BICC1: variants seen among roughly 807,000 people sequenced by gnomAD.
The protein encoded by BICC1 is protein bicaudal C homolog 1.
In BICC1, 43 loss-of-function variants were observed where a neutral mutation model predicts 111.0. The observed-to-expected ratio is 0.39, with a 90% confidence interval of 0.30 to 0.50. The LOEUF (loss-of-function observed/expected upper bound fraction) is 0.50, where lower values mean the gene tolerates loss of function less well. Among genes scored for constraint, BICC1 ranks in the 20% least tolerant of loss-of-function variants. The pLI, the probability that BICC1 is intolerant of heterozygous loss-of-function variation, is 0.88. For synonymous variants in BICC1, 467 were observed against 434.4 expected (o/e 1.07, Z -0.93); for missense variants, 1,091 against 1,203.2 (o/e 0.91, Z 1.38).
intron 1 of BICC1, among the ~76,000 whole-genome samples, chr10:58,523,674 A>G (rs1258775480): frequency 1.3e-5 from 2 of 152,264 alleles, no homozygotes; most frequent in East Asian, 1.9e-4. Context: ...CACCACTCCT[A>G]TTCAACATAG....
chr10:58,670,164 A>G (rs914882166), intron 2 of BICC1, among the ~76,000 whole-genome samples: 2 of 152,110 alleles, frequency 1.3e-5, no homozygotes, highest in East Asian at 3.8e-4. Context: ...CACATATCCA[A>G]TCTTCTATCT....
chr10:58,627,036 A>G (rs542313116), intron 2 of BICC1, among the ~76,000 whole-genome samples: 14 of 152,258 alleles, frequency 9.2e-5, no homozygotes, highest in Admixed American at 2.6e-4. Context: ...TGGGAGGCAG[A>G]GGTTACAGTG....
rs1263613671 is a variant in BICC1 at position 58,716,392 on chromosome 10, T to G, written c.307+14249T>G. On this transcript the variant is annotated intron_variant, in intron 3 of 20. Transcript: ENST00000373886. Reference sequence around the variant, plus strand: ...TTACTAACATGCATGAATTTTCTTGTTTTTAGAATTATTCCTGGACTATTC... The same window carrying G: ...TTACTAACATGCATGAATTTTCTTGGTTTTAGAATTATTCCTGGACTATTC... 26 of 1,132,946 alleles carry G rather than the reference T, an allele frequency of 2.3e-5. No homozygotes were observed. The Middle Eastern group carries it at 9.8e-4, about 43-fold the overall frequency. The allele number at this position is 1,132,946 out of a possible 1,614,324, so 70.2% of individuals were successfully genotyped here. A position where few individuals can be genotyped will look rare whatever the true frequency, so the allele number is the denominator to read the frequency against.
At chr10:58,662,660 C>T (rs1420922287) in intron 2 of BICC1, among the ~76,000 whole-genome samples, 1 of 152,142 alleles carries the variant, frequency 6.6e-6, no homozygotes, top group Non-Finnish European at 1.5e-5. Context: ...TTACACCTTT[C>T]TTGCTTCTGA....
At chr10:58,742,757 G>A (rs1170256139) in intron 3 of BICC1, among the ~76,000 whole-genome samples, 1 of 152,080 alleles carries the variant, frequency 6.6e-6, no homozygotes, top group Non-Finnish European at 1.5e-5. Context: ...TGGTCTAACT[G>A]TGTGTCAACA....
intron 2 of BICC1, among the ~76,000 whole-genome samples, chr10:58,635,947 A>C (rs548241429): frequency 6.6e-6 from 1 of 152,302 alleles, no homozygotes; most frequent in African/African-American, 2.4e-5. Context: ...TTATATGTTA[A>C]ACTTACATAT....
chr10:58,627,653 G>T (rs1205038185), intron 2 of BICC1, among the ~76,000 whole-genome samples: 1 of 152,200 alleles, frequency 6.6e-6, no homozygotes, highest in African/African-American at 2.4e-5. Context: ...AGGAAGGAGT[G>T]CATTTGATTA....
chr10:58,689,464 A>G (rs1442705647), intron 2 of BICC1, among the ~76,000 whole-genome samples: 1 of 152,192 alleles, frequency 6.6e-6, no homozygotes, highest in Non-Finnish European at 1.5e-5. Context: ...TTGTGCACAG[A>G]AGATTGAGTG....
At chr10:58,596,704 C>T (rs973400876) in intron 1 of BICC1, among the ~76,000 whole-genome samples, 1 of 152,184 alleles carries the variant, frequency 6.6e-6, no homozygotes, top group African/African-American at 2.4e-5. Context: ...GCAACTTCAG[C>T]AAAGTCTCAG....
intron 1 of BICC1, among the ~76,000 whole-genome samples, chr10:58,581,797 C>CT (rs762636811): frequency 7.9e-5 from 12 of 151,904 alleles, no homozygotes; most frequent in Admixed American, 3.9e-4. Flanking sequence ...TGTTTGTTTT[C>CT]AATGGATGAA....
intron 2 of BICC1, chr10:58,648,664 G>A: frequency 2.0e-6 from 2 of 984,764 alleles, no homozygotes; most frequent in Non-Finnish European, 2.4e-6. Context: ...GCATCAGAAC[G>A]CTAAGGTACA....
intron 3 of BICC1, among the ~76,000 whole-genome samples, chr10:58,752,927 G>A (rs764644123): frequency 1.3e-5 from 2 of 152,078 alleles, no homozygotes; most frequent in African/African-American, 2.4e-5. Context: ...CGAGGTGCCT[G>A]CTCTCTAGAG....
chr10:58,557,806 A>G (rs182404857), intron 1 of BICC1, among the ~76,000 whole-genome samples: 312 of 152,158 alleles, frequency 2.1e-3, no homozygotes, highest in Admixed American at 5.4e-3. Flanking sequence ...AACATGTAAC[A>G]ATTCTATGTT....
rs895635162 is a variant in BICC1 at position 58,671,815 on chromosome 10, A to G, written c.238-30259A>G. Among the ~76,000 whole-genome samples, 5 of 152,184 alleles carry G rather than the reference A, an allele frequency of 3.3e-5. No homozygotes were observed. The South Asian group carries it at 6.2e-4, about 19-fold the overall frequency. On this transcript the variant is annotated intron_variant, in intron 2 of 20. Transcript: ENST00000373886. ...CACTCACTCTTCCATGTAAATGGCT[A>G]TCAAGGGTACCCATGATCTGTTTCA...
At chr10:58,828,178 G>A (rs1316032300) in intron 20 of BICC1, among the ~76,000 whole-genome samples, 1 of 152,082 alleles carries the variant, frequency 6.6e-6, no homozygotes, top group East Asian at 1.9e-4. Context: ...GAGCAGGAGG[G>A]GTTTGGTACC....
chr10:58,738,500 G>A (rs1450555993), intron 3 of BICC1, among the ~76,000 whole-genome samples: 2 of 152,246 alleles, frequency 1.3e-5, no homozygotes, highest in Admixed American at 6.5e-5. Flanking sequence ...GCCTTGTAGT[G>A]TAGTTTGAAG....
chr10:58,517,059 A>G (rs1168686170), intron 1 of BICC1, among the ~76,000 whole-genome samples: 1 of 152,184 alleles, frequency 6.6e-6, no homozygotes, highest in Non-Finnish European at 1.5e-5. Context: ...AAAAATTCCC[A>G]TATATAACAC....
intron 2 of BICC1, among the ~76,000 whole-genome samples, chr10:58,638,837 CTTTT>C (rs869102525): frequency 1.5e-4 from 1 of 6,846 alleles, no homozygotes; most frequent in African/African-American, 1.6e-4. Flanking sequence ...CTTTGAAATT[CTTTT>C]TTCTTTTCTT....
At chr10:58,753,511 GT>G (rs1218293800) in intron 3 of BICC1, among the ~76,000 whole-genome samples, 2 of 152,208 alleles carry the variant, frequency 1.3e-5, no homozygotes, top group East Asian at 3.9e-4. Context: ...TCTGGAATAT[GT>G]TTTTGTATAT....
Sources: gnomAD v4.1 joint callset for allele counts (sites outside exome capture counted in the v4.1 genomes callset) on GRCh38, gnomAD v4.1.1 for gene constraint, MANE v1.5 for transcripts, NCBI Gene and HGNC (gene_info 2026-07-23, HGNC 2026-07-21) for gene names.